Variants in NPAS1 observed in about 807,000 individuals in gnomAD.
NPAS1 encodes the protein neuronal PAS domain protein 1.
Under a neutral mutation model 49.2 loss-of-function variants are expected in NPAS1, and 29 were observed. That is an observed-to-expected ratio of 0.59 (90% CI 0.44 to 0.80). NPAS1 has a LOEUF of 0.80. Ranked by LOEUF, NPAS1 falls within the 30% of genes least tolerant of loss-of-function variation. NPAS1 has a pLI of 0.00. For synonymous variants in NPAS1, 408 were observed against 380.4 expected, an observed-to-expected ratio of 1.07 and a Z score of -0.84; for missense variants, 825 against 835.5, an observed-to-expected ratio of 0.99 and a Z score of 0.15.
In NPAS1 at chr19:47,032,342, C is replaced by T; in HGVS notation, c.423C>T (p.His141=). ...SEVFEQHLGG[H]ILQSLDGFVF... The stretch of plus-strand genomic sequence containing the variant: ...TCTTCGAGCAGCACCTGGGAGGTCA[C>T]ATCTTGCAGGTGAGTGAGGCCCCTT... Residue 141 remains histidine (H), a synonymous_variant, in exon 4 of 12, where the codon CAC becomes CAT. Coordinates refer to ENST00000602212, the MANE Select transcript of NPAS1 (RefSeq NM_002517.4). 1 of 1,614,054 alleles carries T rather than the reference C, an allele frequency of 6.2e-7. No individual in the cohort carries two copies.
At chr19:47,023,292 G>A (rs2056853098) in intron 3 of NPAS1, among the ~76,000 whole-genome samples, 1 of 152,172 alleles carries the variant, frequency 6.6e-6, no homozygotes, top group African/African-American at 2.4e-5. Context: ...GGCTAAGAGA[G>A]CCCCGGCGGC....
At chr19:47,034,022 G>A (rs1184560833) in intron 5 of NPAS1, among the ~76,000 whole-genome samples, 2 of 84,436 alleles carry the variant, frequency 2.4e-5, no homozygotes, top group African/African-American at 8.6e-5. Context: ...AAAAAAAAAA[G>A]GGCCGGGCGC....
intron 11 of NPAS1, among the ~76,000 whole-genome samples, chr19:47,043,756 C>CA (rs1340781253): frequency 2.0e-5 from 3 of 148,474 alleles, no homozygotes; most frequent in Non-Finnish European, 2.9e-5. Context: ...GACTCCATCT[C>CA]AAAAAAATAA....
intron 11 of NPAS1, among the ~76,000 whole-genome samples, chr19:47,043,932 G>A (rs981924340): frequency 2.0e-5 from 3 of 151,956 alleles, no homozygotes; most frequent in Non-Finnish European, 4.4e-5. Context: ...CAGGTGTGAT[G>A]GTTCACACCC....
intron 7 of NPAS1, 126 bp from the exon 8 acceptor site, chr19:47,039,281 G>C (rs1348048483): frequency 7.6e-6 from 11 of 1,453,334 alleles, no homozygotes; most frequent in East Asian, 4.6e-5. Context: ...GAATGGGACT[G>C]GGGGGGTCAC....
chr19:47,023,831 G>T (rs2056856439), intron 3 of NPAS1, among the ~76,000 whole-genome samples: 1 of 152,126 alleles, frequency 6.6e-6, no homozygotes, highest in East Asian at 1.9e-4. Context: ...TATTGGCTGG[G>T]CACGGTGGCT....
rs1186157204 is a variant in NPAS1 at position 47,036,060 on chromosome 19, C to T, written c.619C>T (p.Pro207Ser). 6.2e-6 allele frequency: 10 copies of T among 1,600,300 alleles called. No individual in the cohort carries two copies. The highest frequency in any genetic ancestry group is 2.7e-5 in the African/African-American group (2 of 74,750). The change falls in exon 6 of 12, where the codon CCC becomes TCC. Residue 207 changes from proline to serine, a missense_variant. By Grantham distance (74) the Pro-to-Ser change is moderately conservative. Coordinates refer to ENST00000602212, the MANE Select transcript of NPAS1 (RefSeq NM_002517.4). ...QLGLRTPTPG[P>S]PTPPSVSSSS... ...GGGGCTGCGGACGCCGACGCCCGGCCCCCCAACCCCGCCCTCCGTCTCCTC... is the reference window on the plus strand; with the variant it reads ...GGGGCTGCGGACGCCGACGCCCGGCTCCCCAACCCCGCCCTCCGTCTCCTC...
intron 10 of NPAS1, 132 bp downstream of exon 10, chr19:47,041,257 G>C (rs1367127108): frequency 3.3e-6 from 3 of 896,782 alleles, no homozygotes; most frequent in Non-Finnish European, 4.8e-6. Flanking sequence ...CGAAGGGGAA[G>C]GAGGGGAGGA....
chr19:47,035,809 G>A (rs2056947504), intron 5 of NPAS1, 155 bp from the exon 6 acceptor site: 1 of 707,948 alleles, frequency 1.4e-6, no homozygotes, highest in Non-Finnish European at 2.3e-6. Flanking sequence ...CGTTTGAAAG[G>A]TAATTGTTTT....
Position 47,039,017 on chromosome 19 carries a change from C to T in NPAS1, c.689-19C>T. ...TTCCTCTTCAGGACCCCATAACCTT[C>T]CTTCACTCTCTGTCCCAGAGGCCAG... On this transcript the variant is annotated intron_variant, in intron 6 of 11. Transcript: ENST00000602212. 6.2e-7 allele frequency: 1 copy of T among 1,609,562 alleles called. No individual in the cohort carries two copies. The highest frequency in any genetic ancestry group is 8.5e-7 in the Non-Finnish European group (1 of 1,175,904).
intron 3 of NPAS1, among the ~76,000 whole-genome samples, chr19:47,027,189 C>A (rs997821149): frequency 9.9e-5 from 15 of 152,216 alleles, no homozygotes; most frequent in African/African-American, 3.4e-4. Flanking sequence ...TCCCCGACTT[C>A]CCTGGGTGAT....
At position 47,021,235 on chromosome 19, in the gene NPAS1, G is replaced by T; in HGVS notation, c.122+66G>T. 1 of 1,392,400 alleles carries T rather than the reference G, an allele frequency of 7.2e-7. No homozygotes were observed. Among genetic ancestry groups the T allele is most frequent in the Non-Finnish European group, 9.6e-7 (1 of 1,044,266 alleles). 86.3% of individuals were successfully genotyped at this position (1,392,400 alleles called of 1,614,324 possible). A position where few individuals can be genotyped will look rare whatever the true frequency, so the allele number is the denominator to read the frequency against. On this transcript the variant is annotated intron_variant, in intron 2 of 11. Transcript: ENST00000602212. The surrounding 1 kb of genome is among the most constrained non-coding windows in gnomAD (Gnocchi z 5.7). ...GGGTCCAATTCACACCCGATGTTCT[G>T]TCCCCGTGCCAAGGGGCAGTTCACA...
At chr19:47,037,446 G>A (rs1441295001) in intron 6 of NPAS1, among the ~76,000 whole-genome samples, 13 of 151,502 alleles carry the variant, frequency 8.6e-5, no homozygotes, top group East Asian at 7.8e-4. Flanking sequence ...GAGGCACGGC[G>A]CGGAGAGGTT....
chr19:47,025,049 T>TCCG (rs2056863120), intron 3 of NPAS1, among the ~76,000 whole-genome samples: 1 of 108,782 alleles, frequency 9.2e-6, no homozygotes, highest in Non-Finnish European at 2.2e-5. Context: ...GACCTCCTTA[T>TCCG]CCTCCCAAAG....
At chr19:47,025,718 G>A (rs1464135283) in intron 3 of NPAS1, among the ~76,000 whole-genome samples, 1 of 151,996 alleles carries the variant, frequency 6.6e-6, no homozygotes, top group African/African-American at 2.4e-5. Context: ...CAGGACTACA[G>A]GCACACGCCA....
At chr19:47,025,878 G>T (rs1238605790) in intron 3 of NPAS1, among the ~76,000 whole-genome samples, 1 of 152,070 alleles carries the variant, frequency 6.6e-6, no homozygotes, top group African/African-American at 2.4e-5. Flanking sequence ...CCCAGCCAAG[G>T]GGTGACTTCT....
At chr19:47,027,828 T>C (rs917290913) in intron 3 of NPAS1, among the ~76,000 whole-genome samples, 11 of 152,068 alleles carry the variant, frequency 7.2e-5, no homozygotes, top group Admixed American at 5.2e-4. Context: ...GGATGAGTGA[T>C]GTTTGGGTTC....
intron 8 of NPAS1, among the ~76,000 whole-genome samples, chr19:47,039,855 A>G (rs1161275290): frequency 1.3e-5 from 2 of 151,802 alleles, no homozygotes; most frequent in African/African-American, 4.8e-5. Flanking sequence ...TTCATTTCTC[A>G]TTTCTCTGGT....
chr19:47,036,330 G>T (rs2056955347), intron 6 of NPAS1, among the ~76,000 whole-genome samples: 1 of 152,242 alleles, frequency 6.6e-6, no homozygotes, highest in Non-Finnish European at 1.5e-5. Context: ...AAAGATTCGA[G>T]CTACAGAAAG....
Sources: gnomAD v4.1 joint callset for allele counts (sites outside exome capture counted in the v4.1 genomes callset) on GRCh38, gnomAD v4.1.1 for gene constraint, Gnocchi (gnomAD v3.1) non-coding constraint, MANE v1.5 for transcripts, NCBI Gene and HGNC (gene_info 2026-07-23, HGNC 2026-07-21) for gene names.